Variants in ATP8A1 observed in about 807,000 individuals in gnomAD.
ATP8A1 encodes the protein ATPase phospholipid transporting 8A1.
In ATP8A1, 90 loss-of-function variants were observed where a neutral mutation model predicts 177.7. The observed-to-expected ratio is 0.51, with a 90% CI of 0.43 to 0.60. The LOEUF (loss-of-function observed/expected upper bound fraction) is 0.60. Ranked by LOEUF, ATP8A1 falls within the 20% of genes least tolerant of loss-of-function variation. The pLI is 0.00. For synonymous variants in ATP8A1, 493 were observed against 485.9 expected (o/e 1.01, Z -0.19); for missense variants, 1,072 against 1,392.8 (o/e 0.77, Z 3.67).
At chr4:42,476,174 A>G (rs571973074) in intron 25 of ATP8A1, among the ~76,000 whole-genome samples, 1 of 152,378 alleles carries the variant, frequency 6.6e-6, no homozygotes, top group East Asian at 1.9e-4. Context: ...AGAGGGAAGA[A>G]GAGTGGATTG....
intron 5 of ATP8A1, among the ~76,000 whole-genome samples, chr4:42,614,486 C>T (rs1736703985): frequency 6.6e-6 from 1 of 152,176 alleles, no homozygotes; most frequent in African/African-American, 2.4e-5. Flanking sequence ...CCTTTCAATT[C>T]CTGTGTTTGT....
rs1733506229 is a variant in ATP8A1, at chr4:42,585,307, CTTAT to C, written c.722+1038_722+1041del. On this transcript the variant is annotated intron_variant, in intron 9 of 36. Coordinates refer to ENST00000381668, the MANE Select transcript of ATP8A1 (RefSeq NM_006095.2). ...TCACTTTCTAACATAGTATAAACTT[CTTAT>C]TTATCATCTTATTGTTTGTATGTTT... Among the ~76,000 whole-genome samples the C allele has an allele frequency of 2.0e-5, 3 of 151,658 alleles. No individual in the cohort carries two copies. The South Asian group carries it at 6.3e-4, about 32-fold the overall frequency.
intron 22 of ATP8A1, among the ~76,000 whole-genome samples, chr4:42,519,648 A>G (rs977866331): frequency 1.3e-5 from 2 of 152,170 alleles, no homozygotes; most frequent in African/African-American, 4.8e-5. Flanking sequence ...AGTTATTTAA[A>G]TAGATCACCA....
chr4:42,450,690 T>C (rs557570004), intron 30 of ATP8A1, among the ~76,000 whole-genome samples: 1 of 152,188 alleles, frequency 6.6e-6, no homozygotes, highest in Non-Finnish European at 1.5e-5. Flanking sequence ...ACTGCCTTCT[T>C]TGTAATACTC....
intron 33 of ATP8A1, among the ~76,000 whole-genome samples, chr4:42,430,111 C>T (rs1577914709): frequency 1.3e-5 from 2 of 151,720 alleles, no homozygotes; most frequent in East Asian, 3.9e-4. Context: ...ATGATAAATA[C>T]ATTATGTATA....
chr4:42,618,091 G>A (rs867417592), intron 4 of ATP8A1, among the ~76,000 whole-genome samples: 8 of 152,152 alleles, frequency 5.3e-5, no homozygotes, highest in East Asian at 1.9e-4. Context: ...GACAGCACAC[G>A]AATAAACTGT....
At chr4:42,414,591 A>G (rs765944115) in intron 36 of ATP8A1, 36 bp downstream of exon 36, 2 of 1,534,904 alleles carry the variant, frequency 1.3e-6, no homozygotes, top group Non-Finnish European at 1.8e-6. Context: ...GCAATGGCAG[A>G]GAATTTATTT....
At chr4:42,494,648 T>C (rs1355820754) in intron 24 of ATP8A1, among the ~76,000 whole-genome samples, 1 of 152,206 alleles carries the variant, frequency 6.6e-6, no homozygotes, top group Non-Finnish European at 1.5e-5. Context: ...TCTTGGTACA[T>C]GGTAGGAGGA....
chr4:42,571,196 C>T (rs756670344), intron 14 of ATP8A1, among the ~76,000 whole-genome samples: 7 of 152,120 alleles, frequency 4.6e-5, no homozygotes, highest in Admixed American at 6.5e-5. Context: ...TGGTGAGTCT[C>T]TTCTTGGGGT....
At chr4:42,548,831 GT>G (rs1478276078) in intron 19 of ATP8A1, among the ~76,000 whole-genome samples, 181 bp downstream of exon 19, 1 of 152,074 alleles carries the variant, frequency 6.6e-6, no homozygotes, top group African/African-American at 2.4e-5. Flanking sequence ...GAAGAAAGTG[GT>G]TTGTAATTTA....
chr4:42,448,401 C>CTTTTTCTTTTTTTTTTT (rs1553875018), intron 30 of ATP8A1, among the ~76,000 whole-genome samples: 1 of 99,558 alleles, frequency 1.0e-5, no homozygotes, highest in African/African-American at 3.5e-5. Context: ...TCTTTCTTTT[C>CTTTTTCTTTTTTTTTTT]TTTTTTTTTT....
At chr4:42,465,171 T>C in intron 25 of ATP8A1, 95 bp from the exon 26 acceptor site, 3 of 1,079,630 alleles carry the variant, frequency 2.8e-6, no homozygotes, top group South Asian at 1.6e-5. Context: ...AAGACCTAAA[T>C]GAATAGTTCT....
intron 33 of ATP8A1, among the ~76,000 whole-genome samples, chr4:42,432,297 C>T (rs1474034349): frequency 6.6e-6 from 1 of 152,142 alleles, no homozygotes; most frequent in East Asian, 1.9e-4. Flanking sequence ...AAGCTAAAAT[C>T]CACAATATTA....
chr4:42,491,906 C>T (rs1722776877), intron 24 of ATP8A1, among the ~76,000 whole-genome samples: 1 of 152,154 alleles, frequency 6.6e-6, no homozygotes, highest in African/African-American at 2.4e-5. Flanking sequence ...AAAGGAAAAG[C>T]ATAGCCTCTA....
At chr4:42,602,005 T>G (rs1307164917) in intron 5 of ATP8A1, among the ~76,000 whole-genome samples, 4 of 152,050 alleles carry the variant, frequency 2.6e-5, no homozygotes, top group African/African-American at 9.7e-5. Context: ...CATTTTTTTT[T>G]TATTACTTGT....
chr4:42,509,744 C>A lies in ATP8A1; in HGVS notation c.1948-2590G>T, dbSNP rs187741158. On this transcript the variant is annotated intron_variant, in intron 22 of 36. Coordinates refer to ENST00000381668, the MANE Select transcript of ATP8A1 (RefSeq NM_006095.2). ...GCAGGCACCTGTAGTCCCAGCTACT[C>A]GGGAGGCTGAGGCAGGAGAATGGCA... Among the ~76,000 whole-genome samples the A allele has an allele frequency of 8.3e-3, 1,227 of 148,410 alleles. 10 individuals are homozygous for A. The highest frequency in any genetic ancestry group is 0.011 in the Non-Finnish European group (728 of 67,470).
chr4:42,636,041 G>A (rs947864671), intron 1 of ATP8A1, among the ~76,000 whole-genome samples: 3 of 147,610 alleles, frequency 2.0e-5, no homozygotes, highest in Non-Finnish European at 4.5e-5. Flanking sequence ...GTCAAAGAGG[G>A]GCATGGTAAC....
chr4:42,431,332 A>C (rs968435332), intron 33 of ATP8A1, among the ~76,000 whole-genome samples: 1 of 152,184 alleles, frequency 6.6e-6, no homozygotes, highest in South Asian at 2.1e-4. Flanking sequence ...CAAGAGGAGA[A>C]GGTGTATTTT....
intron 22 of ATP8A1, among the ~76,000 whole-genome samples, chr4:42,511,657 C>G (rs1337424733): frequency 6.6e-6 from 1 of 152,020 alleles, no homozygotes; most frequent in Non-Finnish European, 1.5e-5. Context: ...AACATTTCTA[C>G]TGTAAGTGAG....
Sources: allele counts gnomAD v4.1 joint callset (sites outside exome capture counted in the v4.1 genomes callset), GRCh38; gene constraint gnomAD v4.1.1; transcripts MANE v1.5; gene names NCBI Gene and HGNC (gene_info 2026-07-23, HGNC 2026-07-21).